The following TCF4 variants were observed in gnomAD, a reference collection of about 807,000 sequenced individuals.
The protein encoded by TCF4 is SL3-3 enhancer factor 2.
In TCF4, 3 loss-of-function variants were observed where a neutral mutation model predicts 82.1. The ratio of observed to expected loss-of-function variants is 0.04; its 90% confidence interval spans 0.02 to 0.09. TCF4 has a LOEUF of 0.09. Ranked by LOEUF, TCF4 falls within the 10% of genes least tolerant of loss-of-function variation. The pLI is 1.00. For synonymous variants in TCF4, 276 were observed against 309.6 expected (o/e 0.89, Z 1.14); for missense variants, 518 against 852.7 (o/e 0.61, Z 4.89).
intron 8 of TCF4, among the ~76,000 whole-genome samples, chr18:55,329,290 T>A (rs1258864047): frequency 6.6e-6 from 1 of 152,154 alleles, no homozygotes; most frequent in Non-Finnish European, 1.5e-5. Context: ...TTTTAACGAC[T>A]GAGTTTTCAA....
At chr18:55,588,010 G>C in intron 1 of TCF4, 28 bp downstream of exon 1, 1 of 980,724 alleles carries the variant, frequency 1.0e-6, no homozygotes, top group Non-Finnish European at 1.2e-6. Flanking sequence ...CCTCCGCCCC[G>C]CCGAGCCCCG....
intron 3 of TCF4, among the ~76,000 whole-genome samples, chr18:55,541,159 C>A (rs938913581): frequency 6.6e-6 from 1 of 152,088 alleles, no homozygotes; most frequent in Middle Eastern, 3.4e-3. Flanking sequence ...ATGCTCTATT[C>A]TTGATTTCAT....
rs114411244 is a variant in TCF4 at position 55,258,900 on chromosome 18, C to G, written c.1069+1049G>C. Among the ~76,000 whole-genome samples the G allele has an allele frequency of 2.4e-3, 370 of 152,218 alleles. 2 individuals carry two copies. The highest frequency in any genetic ancestry group is 8.6e-3 in the African/African-American group (358 of 41,544). On this transcript the variant is annotated intron_variant, in intron 13 of 19. Coordinates refer to ENST00000354452, the MANE Select transcript of TCF4 (RefSeq NM_001083962.2). ...CGTTTGATTATCCTCTTAAAATCAC[C>G]TCAATCGCTTCCCAGTTTCAACGCG...
chr18:55,244,687 T>C (rs1244064703), intron 15 of TCF4, among the ~76,000 whole-genome samples: 1 of 152,220 alleles, frequency 6.6e-6, no homozygotes, highest in Non-Finnish European at 1.5e-5. Flanking sequence ...CTCAGTTCTA[T>C]ATCTCAAGGT....
chr18:55,493,167 G>A (rs896913659), intron 3 of TCF4, among the ~76,000 whole-genome samples: 5 of 152,138 alleles, frequency 3.3e-5, no homozygotes, highest in African/African-American at 1.2e-4. Flanking sequence ...AGTGACCCTA[G>A]AAAACTGTCC....
intron 11 of TCF4, chr18:55,266,381 T>A (rs2059176847): frequency 6.6e-6 from 1 of 152,080 alleles, no homozygotes; most frequent in Non-Finnish European, 1.5e-5. Flanking sequence ...AAGAACTGAG[T>A]AGAAGGTGCT....
intron 6 of TCF4, among the ~76,000 whole-genome samples, chr18:55,387,176 T>C (rs560813546): frequency 1.8e-4 from 27 of 152,384 alleles, no homozygotes; most frequent in African/African-American, 5.8e-4. Flanking sequence ...CTAAGTTCAT[T>C]CCACATTTTC....
chr18:55,339,039 T>C (rs1453534743), intron 8 of TCF4, among the ~76,000 whole-genome samples: 2 of 152,218 alleles, frequency 1.3e-5, no homozygotes, highest in Non-Finnish European at 2.9e-5. Flanking sequence ...AGGAAGCACA[T>C]GTTTAAAGCA....
intron 3 of TCF4, 47 bp downstream of exon 3, chr18:55,585,233 A>G: frequency 1.3e-6 from 2 of 1,554,022 alleles, no homozygotes; most frequent in Non-Finnish European, 1.8e-6. Context: ...TGAGTAAATA[A>G]ACAGCCCAGA....
chr18:55,455,932 A>G (rs1376787998), intron 5 of TCF4, among the ~76,000 whole-genome samples: 1 of 152,230 alleles, frequency 6.6e-6, no homozygotes, highest in African/African-American at 2.4e-5. Context: ...TCTCTGTTTT[A>G]CAATGAAGAG....
rs1353685342 is a variant in TCF4, at chr18:55,279,439, CA to C, written c.655+111del. 5 of 1,519,134 alleles carry C rather than the reference CA, an allele frequency of 3.3e-6. No individual in the cohort carries two copies. The African/African-American group carries it at 6.8e-5, about 21-fold the overall frequency. 94.1% of individuals were successfully genotyped at this position (1,519,134 alleles called of 1,614,324 possible). A position where few individuals can be genotyped will look rare whatever the true frequency, so the allele number is the denominator to read the frequency against. Reference sequence around the variant, plus strand: ...TCAATTCCTAAGAAGAGCATGACTTCAAAAATTCTACACTTGCCTACTATTC... The same window carrying C: ...TCAATTCCTAAGAAGAGCATGACTTCAAAATTCTACACTTGCCTACTATTC... On this transcript the variant is annotated intron_variant, in intron 9 of 19. Transcript: ENST00000354452.
intron 3 of TCF4, among the ~76,000 whole-genome samples, chr18:55,494,144 T>C (rs969772507): frequency 2.9e-5 from 3 of 104,184 alleles, no homozygotes; most frequent in Admixed American, 9.5e-5. Flanking sequence ...AGCAATGTGA[T>C]TGAAATATTA....
chr18:55,567,669 C>A (rs570766995), intron 3 of TCF4, among the ~76,000 whole-genome samples: 1 of 151,736 alleles, frequency 6.6e-6, no homozygotes, highest in Non-Finnish European at 1.5e-5. Flanking sequence ...GCCGAGATCG[C>A]GCCACTGCAC....
intron 14 of TCF4, among the ~76,000 whole-genome samples, chr18:55,255,900 A>G (rs906353712): frequency 6.6e-6 from 1 of 152,196 alleles, no homozygotes; most frequent in East Asian, 1.9e-4. Context: ...GCATGAGAAA[A>G]AACATTTCTA....
At chr18:55,236,019 ATATT>A (rs1320484501) in intron 15 of TCF4, among the ~76,000 whole-genome samples, 33 of 152,206 alleles carry the variant, frequency 2.2e-4, no homozygotes, top group Admixed American at 1.9e-3. Context: ...TACTGAAAAT[ATATT>A]TAAGTAATTG....
chr18:55,327,359 C>A (rs2076737983), intron 8 of TCF4, among the ~76,000 whole-genome samples: 1 of 151,982 alleles, frequency 6.6e-6, no homozygotes, highest in South Asian at 2.1e-4. Flanking sequence ...AACTTATTTT[C>A]TTGGCATCAT....
At chr18:55,428,054 C>T (rs1306741689) in intron 5 of TCF4, among the ~76,000 whole-genome samples, 1 of 152,126 alleles carries the variant, frequency 6.6e-6, no homozygotes, top group Non-Finnish European at 1.5e-5. Flanking sequence ...AAAGACAACT[C>T]AACTCTGAGG....
upstream of TCF4, chr18:55,589,911 G>T: frequency 3.5e-6 from 3 of 861,524 alleles, no homozygotes; most frequent in Non-Finnish European, 4.2e-6. Flanking sequence ...CTAGAGAGGC[G>T]GCCAAGATGG....
intron 6 of TCF4, among the ~76,000 whole-genome samples, chr18:55,389,671 A>G (rs1416451683): frequency 1.3e-5 from 2 of 152,146 alleles, no homozygotes; most frequent in African/African-American, 4.8e-5. Context: ...ACGAAGGCTG[A>G]GGCTGCAGGC....
Sources: allele counts gnomAD v4.1 joint callset (sites outside exome capture counted in the v4.1 genomes callset), GRCh38; gene constraint gnomAD v4.1.1; transcripts MANE v1.5; gene names NCBI Gene and HGNC (gene_info 2026-07-23, HGNC 2026-07-21).